Variants in MGAT4C observed in about 807,000 individuals in gnomAD.
MGAT4C encodes alpha-1,3-mannosyl-glycoprotein 4-beta-N-acetylglucosaminyltransferase C.
MGAT4C carries 19 observed loss-of-function variants against 40.1 expected under a neutral mutation model. The ratio of observed to expected loss-of-function variants is 0.47; its 90% confidence interval spans 0.33 to 0.70. The LOEUF is 0.70. MGAT4C is among the 30% of genes least tolerant of loss of function. The pLI is 0.02. For synonymous variants in MGAT4C, 181 were observed against 187.1 expected (o/e 0.97, Z 0.27); for missense variants, 491 against 563.2 (o/e 0.87, Z 1.30).
intron 2 of MGAT4C, among the ~76,000 whole-genome samples, chr12:86,699,010 C>G (rs1462822426): frequency 6.6e-6 from 1 of 152,102 alleles, no homozygotes; most frequent in East Asian, 1.9e-4. Context: ...AAGGCATATT[C>G]TTCTCCATTT....
intron 2 of MGAT4C, among the ~76,000 whole-genome samples, chr12:86,692,244 G>A (rs1480664866): frequency 6.6e-6 from 1 of 152,128 alleles, no homozygotes; most frequent in Admixed American, 6.6e-5. Flanking sequence ...ATCTTTAAAT[G>A]TGAAAAATAC....
chr12:86,563,068 C>A (rs973884571), intron 2 of MGAT4C, among the ~76,000 whole-genome samples: 1 of 152,126 alleles, frequency 6.6e-6, no homozygotes, highest in Non-Finnish European at 1.5e-5. Context: ...TAGACCTACT[C>A]ATCCCAACTG....
intron 2 of MGAT4C, among the ~76,000 whole-genome samples, chr12:86,704,009 T>A (rs1450215794): frequency 1.3e-5 from 2 of 152,112 alleles, no homozygotes; most frequent in Admixed American, 1.3e-4. Context: ...ACAATTTGCT[T>A]AAAGTAACCA....
Position 86,028,322 on chromosome 12 carries a change from G to A in MGAT4C, c.-7+21352C>T, listed in dbSNP as rs529800483. Reference sequence around the variant, plus strand: ...CCATGCCCTTTGTCTGCTGACATACGTTGAGCTCCTCATCATGGCAGGGCA... The same window carrying A: ...CCATGCCCTTTGTCTGCTGACATACATTGAGCTCCTCATCATGGCAGGGCA... On this transcript the variant is annotated intron_variant, in intron 2 of 4. Transcript: ENST00000611864. 6.9e-5 allele frequency: 29 copies of A among 418,930 alleles called. No individual in the cohort carries two copies. In the East Asian group the frequency reaches 1.9e-3, roughly 27 times the overall value. The allele number at this position is 418,930 out of a possible 1,614,324, so 26.0% of individuals were successfully genotyped here. A position where few individuals can be genotyped will look rare whatever the true frequency, so the allele number is the denominator to read the frequency against.
intron 1 of MGAT4C, among the ~76,000 whole-genome samples, chr12:86,132,526 G>A (rs1260471423): frequency 1.3e-5 from 2 of 152,108 alleles, no homozygotes; most frequent in Non-Finnish European, 2.9e-5. Context: ...GGGCGCGGTG[G>A]CTCACGCCTG....
intron 1 of MGAT4C, among the ~76,000 whole-genome samples, chr12:86,804,571 AAATAT>A (rs1398799782): frequency 1.3e-5 from 2 of 151,934 alleles, no homozygotes; most frequent in East Asian, 3.9e-4. Flanking sequence ...GTCAGTGACA[AAATAT>A]AATACCTCAT....
intron 3 of MGAT4C, among the ~76,000 whole-genome samples, chr12:86,431,092 C>G (rs997347002): frequency 5.9e-5 from 9 of 152,136 alleles, no homozygotes; most frequent in African/African-American, 1.7e-4. Flanking sequence ...TGGGGTGGGT[C>G]CCTGAGGCAG....
At chr12:86,205,781 C>A (rs1333901102) in intron 1 of MGAT4C, among the ~76,000 whole-genome samples, 3 of 151,888 alleles carry the variant, frequency 2.0e-5, no homozygotes, top group Non-Finnish European at 4.4e-5. Flanking sequence ...ATTCAGACTT[C>A]CATAAGAATC....
chr12:86,145,451 A>C (rs947680170), intron 1 of MGAT4C, among the ~76,000 whole-genome samples: 3 of 152,168 alleles, frequency 2.0e-5, no homozygotes, highest in Non-Finnish European at 4.4e-5. Context: ...CAACAATTAG[A>C]CGTTAATTAC....
At chr12:86,764,031 C>A (rs1197460254) in intron 1 of MGAT4C, among the ~76,000 whole-genome samples, 1 of 152,026 alleles carries the variant, frequency 6.6e-6, no homozygotes, top group Non-Finnish European at 1.5e-5. Context: ...TGGGTGGGTG[C>A]ACCGTGCATG....
At position 86,769,825 on chromosome 12, in the gene MGAT4C, T is replaced by A. The variant is rs189412652; in HGVS notation, c.-261-42584A>T. On this transcript the variant is annotated intron_variant, in intron 1 of 7. Coordinates refer to the MGAT4C transcript ENST00000548651. ...GTGAGAACTGAACAGTGAGAACACA[T>A]GGACACAGGAAGGGGAACATCACAC... Among the ~76,000 whole-genome samples the A allele has an allele frequency of 1.1e-4, 16 of 151,922 alleles. No individual in the cohort carries two copies. The East Asian group carries it at 3.1e-3, about 30-fold the overall frequency.
intron 2 of MGAT4C, among the ~76,000 whole-genome samples, chr12:86,517,772 A>T (rs1958721142): frequency 6.6e-6 from 1 of 151,978 alleles, no homozygotes; most frequent in Non-Finnish European, 1.5e-5. Flanking sequence ...CAGCCTCCCG[A>T]GTAGCTGGGA....
At position 85,960,714 on chromosome 12, in the gene MGAT4C, A is replaced by G. The variant is rs1883070281; in HGVS notation, c.*18575T>C. The G allele has an allele frequency of 1.3e-5, 2 of 151,900 alleles. No individual in the cohort carries two copies. Among genetic ancestry groups the G allele is most frequent in the African/African-American group, 4.8e-5 (2 of 41,424 alleles). The allele number at this position is 151,900 out of a possible 1,614,324, so 9.4% of individuals were successfully genotyped here. ...TGCTGAAGGAAATGATGGCATGAAC[A>G]ACTCTAGATAATTTTTGTTTATTTG... On this transcript the variant is annotated 3_prime_UTR_variant, in exon 5 of 5. Coordinates refer to ENST00000611864, the MANE Select transcript of MGAT4C (RefSeq NM_001351288.2).
At chr12:86,545,117 C>G (rs550069777) in intron 2 of MGAT4C, among the ~76,000 whole-genome samples, 1 of 151,984 alleles carries the variant, frequency 6.6e-6, no homozygotes, top group Non-Finnish European at 1.5e-5. Flanking sequence ...ATTCAACTTA[C>G]AAGTCAATTT....
chr12:86,686,970 T>TC (rs1414451936), intron 2 of MGAT4C, among the ~76,000 whole-genome samples: 1 of 151,930 alleles, frequency 6.6e-6, no homozygotes, highest in Non-Finnish European at 1.5e-5. Flanking sequence ...GTCCTGGGCT[T>TC]TTTGTTGTTG....
intron 1 of MGAT4C, among the ~76,000 whole-genome samples, chr12:86,212,213 T>C (rs867914337): frequency 1.3e-5 from 2 of 152,084 alleles, no homozygotes; most frequent in Admixed American, 1.3e-4. Context: ...TCTAACCAAA[T>C]AGCATCCCGC....
chr12:86,372,112 C>G (rs919707606), intron 3 of MGAT4C, among the ~76,000 whole-genome samples: 1 of 151,640 alleles, frequency 6.6e-6, no homozygotes, highest in African/African-American at 2.4e-5. Flanking sequence ...TTAAAAGTGT[C>G]AGTTTAATTC....
chr12:86,706,376 A>G (rs953895164), intron 2 of MGAT4C, among the ~76,000 whole-genome samples: 7 of 152,192 alleles, frequency 4.6e-5, no homozygotes, highest in African/African-American at 1.7e-4. Context: ...AACAAATAAT[A>G]AGAAAATAAC....
chr12:86,190,409 T>C lies in MGAT4C; in HGVS notation c.-57+65830A>G, dbSNP rs577868443. ...AGTGTGTTTCTCCTGTTAATTGCAATATTCAAGTAACAATAATAACCATTA... is the reference window on the plus strand; with the variant it reads ...AGTGTGTTTCTCCTGTTAATTGCAACATTCAAGTAACAATAATAACCATTA... On this transcript the variant is annotated intron_variant, in intron 1 of 4. Transcript: ENST00000611864. 2.1e-4 allele frequency among the ~76,000 whole-genome samples: 32 copies of C among 152,256 alleles called. No homozygotes were observed. The East Asian group carries it at 6.0e-3, about 28-fold the overall frequency.
Sources: allele counts gnomAD v4.1 joint callset (sites outside exome capture counted in the v4.1 genomes callset), GRCh38; gene constraint gnomAD v4.1.1; transcripts MANE v1.5; gene names NCBI Gene and HGNC (gene_info 2026-07-23, HGNC 2026-07-21).